Variants in TMCO2 observed in about 807,000 individuals in gnomAD.
The protein encoded by TMCO2 is transmembrane and coiled-coil domain-containing protein 2.
TMCO2 carries 15 observed loss-of-function variants against 18.0 expected under a neutral mutation model. The ratio of observed to expected loss-of-function variants is 0.84; its 90% confidence interval spans 0.56 to 1.29. TMCO2 has a LOEUF of 1.29. Ranked by LOEUF, TMCO2 falls within the 50% of genes most tolerant of loss-of-function variation. The pLI, the probability that TMCO2 is intolerant of heterozygous loss-of-function variation, is 0.00. For synonymous variants in TMCO2, 79 were observed against 75.9 expected (o/e 1.04, Z -0.21); for missense variants, 182 against 200.9 (o/e 0.91, Z 0.57).
chr1:40,249,597 G>C (rs1045296290), intron 1 of TMCO2, among the ~76,000 whole-genome samples: 15 of 151,594 alleles, frequency 9.9e-5, no homozygotes, highest in Non-Finnish European at 1.6e-4. Flanking sequence ...AGTGGTGCTA[G>C]TTGTTATAAT....
In TMCO2 at chr1:40,251,574, G is replaced by GGGTTT; in HGVS notation, c.530_534dup (p.Thr179GlyfsTer9). The GGGTTT allele has an allele frequency of 6.2e-7, 1 of 1,604,164 alleles. No homozygotes were observed. The highest frequency in any genetic ancestry group is 1.1e-5 in the South Asian group (1 of 88,540). On this transcript the variant is annotated frameshift_variant, in exon 2 of 2. Coordinates refer to ENST00000372766, the MANE Select transcript of TMCO2 (RefSeq NM_001008740.4). LOFTEE classifies it high-confidence loss of function. ...CTGCCAGAGTCCCTTGTCCACATCAGGGTTTACTTCCCCCATTTGAAATGT... is the reference window on the plus strand; with the variant it reads ...CTGCCAGAGTCCCTTGTCCACATCAGGGTTTGGTTTACTTCCCCCATTTGAAATGT...
At chr1:40,249,090 G>A (rs1643359715) in intron 1 of TMCO2, among the ~76,000 whole-genome samples, 1 of 152,120 alleles carries the variant, frequency 6.6e-6, no homozygotes, top group Non-Finnish European at 1.5e-5. Flanking sequence ...GAGATTATTT[G>A]CTCCATTTTG....
At position 40,248,035 on chromosome 1, in the gene TMCO2, G is replaced by C. The variant is rs1557767888; in HGVS notation, c.42G>C (p.Glu14Asp). The C allele has an allele frequency of 3.1e-6, 5 of 1,613,784 alleles. No individual in the cohort carries two copies. Among genetic ancestry groups the C allele is most frequent in the South Asian group, 2.2e-5 (2 of 91,074 alleles). ...SSSSSWDNLLESLSLSTVWNW... is the reference protein window; with the variant it reads ...SSSSSWDNLLDSLSLSTVWNW... Reference sequence around the variant, plus strand: ...CTTCTAGCTGGGACAACCTCTTAGAGTCTCTCTCTCTCAGCACAGTATGGA... The same window carrying C: ...CTTCTAGCTGGGACAACCTCTTAGACTCTCTCTCTCTCAGCACAGTATGGA... Residue 14 changes from glutamate to aspartate, a missense_variant, in exon 1 of 2, where the codon GAG becomes GAC. Glu to Asp is a conservative substitution (Grantham distance 45, BLOSUM62 2). Coordinates refer to ENST00000372766, the MANE Select transcript of TMCO2 (RefSeq NM_001008740.4).
chr1:40,251,449 C>T lies in TMCO2; in HGVS notation c.404C>T (p.Thr135Ile), dbSNP rs1267371699. 2.5e-6 allele frequency: 4 copies of T among 1,613,502 alleles called. No individual in the cohort carries two copies. The highest frequency in any genetic ancestry group is 3.4e-6 in the Non-Finnish European group (4 of 1,179,908). ...GAGAAAATTTTGAAAAAACTTAAGA[C>T]AGTGGAAAACAAAATGAAGAACCTA... ...LQEKILKKLK[T>I]VENKMKNLEG... The change falls in exon 2 of 2, where the codon ACA (threonine) becomes ATA (isoleucine). Residue 135 changes from threonine to isoleucine, a missense_variant. Thr to Ile is a moderately conservative substitution (Grantham distance 89, BLOSUM62 -1). Transcript: ENST00000372766.
intron 1 of TMCO2, 63 bp from the exon 2 acceptor site, chr1:40,251,220 G>T: frequency 1.4e-6 from 2 of 1,393,574 alleles, no homozygotes; most frequent in East Asian, 2.5e-5. Context: ...TTTTTGTTTT[G>T]TTTTTCTCTT....
intron 1 of TMCO2, among the ~76,000 whole-genome samples, chr1:40,248,490 C>A (rs550727127): frequency 6.6e-6 from 1 of 152,264 alleles, no homozygotes; most frequent in Admixed American, 6.5e-5. Flanking sequence ...GAAAAGACAG[C>A]CTTACCCTCA....
At position 40,248,041 on chromosome 1, in the gene TMCO2, C is replaced by A; in HGVS notation, c.48C>A (p.Leu16=). The part of the protein sequence containing the change: ...SSSWDNLLES[L]SLSTVWNWIQ... ...GCTGGGACAACCTCTTAGAGTCTCT[C>A]TCTCTCAGCACAGTATGGAATTGGA... Residue 16 remains leucine (L), a synonymous_variant, in exon 1 of 2, where the codon CTC becomes CTA. Transcript: ENST00000372766. 1 of 1,614,222 alleles carries A rather than the reference C, an allele frequency of 6.2e-7. No individual in the cohort carries two copies.
Position 40,251,593 on chromosome 1 carries a change from G to A in TMCO2, c.548G>A (p.Ter183=), listed in dbSNP as rs760734023. ...ACATCAGGGTTTACTTCCCCCATTT[G>A]AAATGTGATGGACTCCAATCTTTTC... ...LSTSGFTSPI[*] is the part of the protein sequence containing the mutation. The change falls in exon 2 of 2, where the codon TGA becomes TAA. Residue 183 remains the stop codon, a stop_retained_variant. Coordinates refer to ENST00000372766, the MANE Select transcript of TMCO2 (RefSeq NM_001008740.4). 5.6e-6 allele frequency: 9 copies of A among 1,601,022 alleles called. No homozygotes were observed. In the South Asian group the frequency reaches 8.0e-5, roughly 14 times the overall value.
chr1:40,250,629 C>A (rs6675059), intron 1 of TMCO2, among the ~76,000 whole-genome samples: 1 of 152,050 alleles, frequency 6.6e-6, no homozygotes, highest in Non-Finnish European at 1.5e-5. Context: ...CAATATATAA[C>A]CTTGGACAAT....
At position 40,248,140 on chromosome 1, in the gene TMCO2, A is replaced by T; in HGVS notation, c.147A>T (p.Pro49=). 6.2e-7 allele frequency: 1 copy of T among 1,614,218 alleles called. No homozygotes were observed. Among genetic ancestry groups the T allele is most frequent in the Non-Finnish European group, 8.5e-7 (1 of 1,180,026 alleles). ...TGGGACTATTAGATAATCTTGCTCCAGCTGTGCAAATCATCTTGAGGATTT... is the reference window on the plus strand; with the variant it reads ...TGGGACTATTAGATAATCTTGCTCCTGCTGTGCAAATCATCTTGAGGATTT... The part of the protein sequence containing the change: ...TSLGLLDNLA[P]AVQIILRISF... Residue 49 remains proline (P), a synonymous_variant, in exon 1 of 2, where the codon CCA becomes CCT. Transcript: ENST00000372766.
chr1:40,250,077 G>C (rs1173381139), intron 1 of TMCO2, among the ~76,000 whole-genome samples: 1 of 151,492 alleles, frequency 6.6e-6, no homozygotes. Flanking sequence ...GCTCACTGCA[G>C]CCTCAAATTC....
chr1:40,248,310 T>A lies in TMCO2; in HGVS notation c.237+80T>A. ...TTCTCTCCCATATTGCTGCCACCAG[T>A]TTTAAGATCATGCAGATGTGCAAAG... On this transcript the variant is annotated intron_variant, in intron 1 of 1. Transcript: ENST00000372766. 2.4e-6 allele frequency: 3 copies of A among 1,244,784 alleles called. No homozygotes were observed. The Admixed American group carries it at 5.9e-5, about 24-fold the overall frequency. 77.1% of individuals were successfully genotyped at this position (1,244,784 alleles called of 1,614,324 possible).
intron 1 of TMCO2, among the ~76,000 whole-genome samples, chr1:40,251,001 G>C (rs1346435435): frequency 2.0e-5 from 3 of 152,054 alleles, no homozygotes; most frequent in Non-Finnish European, 4.4e-5. Flanking sequence ...GCCGGGCGTG[G>C]TGGTGGGCGC....
intron 1 of TMCO2, among the ~76,000 whole-genome samples, chr1:40,250,944 T>C (rs1340097565): frequency 1.3e-5 from 2 of 152,150 alleles, no homozygotes; most frequent in Non-Finnish European, 2.9e-5. Context: ...GAGAACATCC[T>C]GGCTAACACG....
chr1:40,251,618 C>T lies in TMCO2; in HGVS notation c.*24C>T. On this transcript the variant is annotated 3_prime_UTR_variant, in exon 2 of 2. Coordinates refer to ENST00000372766, the MANE Select transcript of TMCO2 (RefSeq NM_001008740.4). ...GAAATGTGATGGACTCCAATCTTTT[C>T]CAGGAAAGCACTGTTTCCCTCATGT... The T allele has an allele frequency of 6.3e-7, 1 of 1,587,426 alleles. No homozygotes were observed. Among genetic ancestry groups the T allele is most frequent in the Non-Finnish European group, 8.5e-7 (1 of 1,172,790 alleles).
intron 1 of TMCO2, among the ~76,000 whole-genome samples, chr1:40,249,695 T>A (rs61781063): frequency 6.6e-6 from 1 of 152,156 alleles, no homozygotes; most frequent in East Asian, 1.9e-4. Flanking sequence ...TATTTTGAGA[T>A]GAAGTCTTGC....
chr1:40,249,779 T>G (rs1643366513), intron 1 of TMCO2, among the ~76,000 whole-genome samples: 1 of 151,888 alleles, frequency 6.6e-6, no homozygotes, highest in Non-Finnish European at 1.5e-5. Flanking sequence ...GTTCAAGCAA[T>G]TCTCCTGCCT....
intron 1 of TMCO2, among the ~76,000 whole-genome samples, chr1:40,250,028 G>A (rs566611040): frequency 1.3e-5 from 2 of 151,278 alleles, no homozygotes; most frequent in Admixed American, 1.3e-4. Context: ...ACAGTGTCTT[G>A]CTCTGTCGCC....
chr1:40,248,887 G>A (rs1325482534), intron 1 of TMCO2, among the ~76,000 whole-genome samples: 2 of 152,214 alleles, frequency 1.3e-5, no homozygotes, highest in African/African-American at 4.8e-5. Context: ...CTGAGGTTCA[G>A]TGGAAACTTA....
Sources: allele counts gnomAD v4.1 joint callset (sites outside exome capture counted in the v4.1 genomes callset), GRCh38; gene constraint gnomAD v4.1.1; transcripts MANE v1.5; gene names NCBI Gene and HGNC (gene_info 2026-07-23, HGNC 2026-07-21).